DYNC1I1: variants seen among roughly 807,000 people sequenced by gnomAD.
DYNC1I1 encodes cytoplasmic dynein 1 intermediate chain 1.
DYNC1I1 carries 43 observed loss-of-function variants against 86.6 expected under a neutral mutation model. The ratio of observed to expected loss-of-function variants is 0.50; its 90% CI spans 0.39 to 0.64. DYNC1I1 has a LOEUF of 0.64. Among genes scored for constraint, DYNC1I1 ranks in the 30% least tolerant of loss-of-function variants. DYNC1I1 has a pLI of 0.00. For synonymous variants in DYNC1I1, 262 were observed against 283.7 expected (o/e 0.92, Z 0.77); for missense variants, 604 against 788.8 (o/e 0.77, Z 2.81).
intron 6 of DYNC1I1, among the ~76,000 whole-genome samples, chr7:95,913,438 G>GT (rs1443126585): frequency 6.6e-6 from 1 of 152,174 alleles, no homozygotes; most frequent in African/African-American, 2.4e-5. Context: ...ATGGGACCCT[G>GT]TTGGAGGTAA....
At chr7:95,933,840 C>T (rs370470497) in intron 6 of DYNC1I1, among the ~76,000 whole-genome samples, 1 of 152,208 alleles carries the variant, frequency 6.6e-6, no homozygotes, top group East Asian at 1.9e-4. Flanking sequence ...CTATTCTTAG[C>T]AGGATTTATT....
intron 5 of DYNC1I1, among the ~76,000 whole-genome samples, chr7:95,852,470 C>A (rs2706870): frequency 6.6e-6 from 1 of 151,600 alleles, no homozygotes; most frequent in Non-Finnish European, 1.5e-5. Context: ...ATCTTTTGTA[C>A]TGTTTTTCTA....
In DYNC1I1 at chr7:95,893,169, A is replaced by G. The variant is rs546059309; in HGVS notation, c.490+23171A>G. Among the ~76,000 whole-genome samples, 4 of 152,322 alleles carry G rather than the reference A, an allele frequency of 2.6e-5. No individual in the cohort carries two copies. The South Asian group carries it at 8.3e-4, about 32-fold the overall frequency. On this transcript the variant is annotated intron_variant, in intron 6 of 16. Coordinates refer to ENST00000447467, the MANE Select transcript of DYNC1I1 (RefSeq NM_001135556.2). ...CTCTCCCACAACAGGCTGATTTCCA[A>G]AGAAACACACATTTATTCATCCTGA... is the stretch of plus-strand genomic sequence containing the variant.
intron 6 of DYNC1I1, among the ~76,000 whole-genome samples, chr7:95,968,744 G>A (rs756135349): frequency 2.0e-5 from 3 of 152,112 alleles, no homozygotes; most frequent in African/African-American, 7.2e-5. Context: ...GAAGGGATTT[G>A]AGTCTGAAAA....
chr7:95,914,309 A>C (rs1562942096), intron 6 of DYNC1I1, among the ~76,000 whole-genome samples: 1 of 152,078 alleles, frequency 6.6e-6, no homozygotes, highest in Non-Finnish European at 1.5e-5. Flanking sequence ...ATTCCTGATT[A>C]TTTACTGTAT....
intron 5 of DYNC1I1, among the ~76,000 whole-genome samples, chr7:95,853,622 T>A (rs756285324): frequency 6.6e-6 from 1 of 152,202 alleles, no homozygotes. Context: ...TTGAGAAGAA[T>A]GTATATCCTA....
intron 16 of DYNC1I1, among the ~76,000 whole-genome samples, chr7:96,090,864 C>T (rs1305004556): frequency 6.6e-6 from 1 of 152,026 alleles, no homozygotes; most frequent in Admixed American, 6.6e-5. Context: ...ATATTTACAC[C>T]CTCTGTATAT....
chr7:95,833,732 A>G (rs1003165039), intron 5 of DYNC1I1, among the ~76,000 whole-genome samples: 5 of 144,130 alleles, frequency 3.5e-5, no homozygotes, highest in African/African-American at 1.0e-4. Context: ...CTTTGAAGCA[A>G]TTGTGAATGG....
chr7:95,958,100 T>TA (rs2116499952), intron 6 of DYNC1I1, among the ~76,000 whole-genome samples: 1 of 152,282 alleles, frequency 6.6e-6, no homozygotes, highest in Admixed American at 6.5e-5. Context: ...ACCCATGAGA[T>TA]ACCAGTAGCA....
At position 95,855,928 on chromosome 7, in the gene DYNC1I1, CTT is replaced by C. The variant is rs1473387686; in HGVS notation, c.375-13953_375-13952del. Among the ~76,000 whole-genome samples the C allele has an allele frequency of 8.5e-5, 13 of 152,258 alleles. No homozygotes were observed. In the East Asian group the frequency reaches 2.5e-3, roughly 29 times the overall value. Reference sequence around the variant, plus strand: ...CTAGGACATTACTGTACACCATAGACTTTATAAATACTACACTTAGGCTGTAC... The same window carrying C: ...CTAGGACATTACTGTACACCATAGACTATAAATACTACACTTAGGCTGTAC... On this transcript the variant is annotated intron_variant, in intron 5 of 16. Coordinates refer to ENST00000447467, the MANE Select transcript of DYNC1I1 (RefSeq NM_001135556.2).
intron 1 of DYNC1I1, chr7:95,804,319 T>C: frequency 8.0e-7 from 1 of 1,247,888 alleles, no homozygotes; most frequent in Non-Finnish European, 1.0e-6. Context: ...TGTTTTCTTT[T>C]CTCAGTGTGG....
intron 14 of DYNC1I1, among the ~76,000 whole-genome samples, chr7:96,070,947 A>T (rs531883362): frequency 1.0e-3 from 158 of 152,300 alleles, no homozygotes; most frequent in African/African-American, 3.6e-3. Context: ...TCATTTTCAG[A>T]CATATATTTA....
rs1252545400 is a variant in DYNC1I1, at chr7:95,975,312, T to C, written c.491-2200T>C. 2.6e-5 allele frequency among the ~76,000 whole-genome samples: 4 copies of C among 152,206 alleles called. No individual in the cohort carries two copies. In the East Asian group the frequency reaches 7.7e-4, roughly 29 times the overall value. ...ACAGAAATGTAATGCCTCACAGTTC[T>C]GGAGGCTAGGATCTGAGATCAAGAA... On this transcript the variant is annotated intron_variant, in intron 6 of 16. Transcript: ENST00000447467.
chr7:95,984,761 T>C, intron 7 of DYNC1I1, 54 bp from the exon 8 acceptor site: 1 of 1,529,154 alleles, frequency 6.5e-7, no homozygotes, highest in Non-Finnish European at 8.7e-7. Flanking sequence ...TAAGTTTTAA[T>C]TGTCACTTTT....
At chr7:95,926,291 G>A (rs1310760232) in intron 6 of DYNC1I1, among the ~76,000 whole-genome samples, 1 of 152,018 alleles carries the variant, frequency 6.6e-6, no homozygotes, top group African/African-American at 2.4e-5. Context: ...TACTATTACT[G>A]GTAGACTAGC....
chr7:95,895,085 G>A (rs1790846176), intron 6 of DYNC1I1, among the ~76,000 whole-genome samples: 1 of 152,158 alleles, frequency 6.6e-6, no homozygotes, highest in Non-Finnish European at 1.5e-5. Flanking sequence ...GGATCAGACT[G>A]GCAACAGACA....
intron 1 of DYNC1I1, among the ~76,000 whole-genome samples, chr7:95,784,302 G>A (rs562511061): frequency 9.6e-4 from 146 of 152,270 alleles, no homozygotes; most frequent in African/African-American, 3.4e-3. Flanking sequence ...ATTTAATGTG[G>A]TATAAATGAA....
Position 95,968,946 on chromosome 7 carries a change from C to T in DYNC1I1, c.491-8566C>T, listed in dbSNP as rs148744267. 3.3e-4 allele frequency among the ~76,000 whole-genome samples: 50 copies of T among 152,024 alleles called. No individual in the cohort carries two copies. In the East Asian group the frequency reaches 5.4e-3, roughly 17 times the overall value. Reference sequence around the variant, plus strand: ...ATGGCCATAAAGGCTGTGTCTTACACGCCTCAAGGAGGCTCTATTCACATA... The same window carrying T: ...ATGGCCATAAAGGCTGTGTCTTACATGCCTCAAGGAGGCTCTATTCACATA... On this transcript the variant is annotated intron_variant, in intron 6 of 16. Coordinates refer to ENST00000447467, the MANE Select transcript of DYNC1I1 (RefSeq NM_001135556.2).
chr7:95,820,191 C>A (rs1795043542), intron 4 of DYNC1I1, among the ~76,000 whole-genome samples: 1 of 152,128 alleles, frequency 6.6e-6, no homozygotes, highest in African/African-American at 2.4e-5. Context: ...TTTCACTGTT[C>A]CACATTTATT....
Sources: allele counts gnomAD v4.1 joint callset (sites outside exome capture counted in the v4.1 genomes callset), GRCh38; gene constraint gnomAD v4.1.1; transcripts MANE v1.5; gene names NCBI Gene and HGNC (gene_info 2026-07-23, HGNC 2026-07-21).